Variants in IPCEF1 observed in about 807,000 individuals in gnomAD.
The protein encoded by IPCEF1 is interaction protein for cytohesin exchange factors 1.
A neutral mutation model predicts 50.9 loss-of-function variants in IPCEF1; 31 were observed. The ratio of observed to expected loss-of-function variants is 0.61; its 90% CI spans 0.46 to 0.82. IPCEF1 has a LOEUF of 0.82. Among genes scored for constraint, IPCEF1 ranks in the 40% least tolerant of loss-of-function variants. The pLI, the probability that IPCEF1 is intolerant of heterozygous loss-of-function variation, is 0.00. For synonymous variants in IPCEF1, 181 were observed against 192.0 expected (o/e 0.94, Z 0.47); for missense variants, 458 against 514.0 (o/e 0.89, Z 1.05).
intron 1 of IPCEF1, among the ~76,000 whole-genome samples, chr6:154,297,175 G>T (rs1335842453): frequency 2.6e-5 from 4 of 152,046 alleles, no homozygotes; most frequent in Non-Finnish European, 5.9e-5. Flanking sequence ...GAGTAGCTGG[G>T]ACTGCAGACA....
rs1016950795 is a variant in IPCEF1, at chr6:154,158,819, A to G, written c.*1009T>C. The G allele has an allele frequency of 1.1e-4, 17 of 152,254 alleles. No individual in the cohort carries two copies. Among genetic ancestry groups the G allele is most frequent in the African/African-American group, 4.1e-4 (17 of 41,474 alleles). 9.4% of individuals were successfully genotyped at this position (152,254 alleles called of 1,614,324 possible). A position where few individuals can be genotyped will look rare whatever the true frequency, so the allele number is the denominator to read the frequency against. On this transcript the variant is annotated 3_prime_UTR_variant, in exon 12 of 12. Transcript: ENST00000367220. ...CTATAAATATATTTAAATAACAAAC[A>G]TAGCTATTCACATAGCACACAAGTG...
At chr6:154,180,417 T>A (rs1239573847) in intron 10 of IPCEF1, among the ~76,000 whole-genome samples, 12 of 46,910 alleles carry the variant, frequency 2.6e-4, no homozygotes, top group South Asian at 1.9e-3. Context: ...TATATATATT[T>A]TTTTTTTAAA....
intron 10 of IPCEF1, among the ~76,000 whole-genome samples, chr6:154,182,534 G>C (rs1472742089): frequency 6.6e-6 from 1 of 151,908 alleles, no homozygotes; most frequent in Non-Finnish European, 1.5e-5. Flanking sequence ...CCAGGATTAG[G>C]CAAGATATTT....
At chr6:154,273,716 CTTT>C (rs1781960332) in intron 2 of IPCEF1, among the ~76,000 whole-genome samples, 1 of 28,030 alleles carries the variant, frequency 3.6e-5, no homozygotes, top group Non-Finnish European at 8.5e-5. Flanking sequence ...TTCTTTCTTT[CTTT>C]CTTTCTTTTT....
intron 10 of IPCEF1, among the ~76,000 whole-genome samples, chr6:154,195,815 G>A (rs183066297): frequency 2.1e-5 from 3 of 144,264 alleles, no homozygotes; most frequent in East Asian, 2.0e-4. Flanking sequence ...TTTTTGAAAC[G>A]GAGTCTTGCT....
intron 8 of IPCEF1, chr6:154,213,140 A>G (rs1778103459): frequency 2.7e-6 from 1 of 371,284 alleles, no homozygotes; most frequent in South Asian, 3.6e-5. Context: ...GGTGTGAGTC[A>G]TAATACCAAG....
chr6:154,300,010 G>T (rs921368696), intron 1 of IPCEF1, among the ~76,000 whole-genome samples: 1 of 140,372 alleles, frequency 7.1e-6, no homozygotes, highest in East Asian at 2.0e-4. Context: ...ATGAAACCCC[G>T]AAGTGAATGA....
In IPCEF1 at chr6:154,159,409, A is replaced by G. The variant is rs1486495510; in HGVS notation, c.*419T>C. ...ACTCAAACAGTGATTTGGGCCACAC[A>G]GCTTCCCAGTCAAGTGGAATATGTA... is the stretch of plus-strand genomic sequence containing the variant. On this transcript the variant is annotated 3_prime_UTR_variant, in exon 12 of 12. Coordinates refer to ENST00000367220, the MANE Select transcript of IPCEF1 (RefSeq NM_001130700.2). The G allele has an allele frequency of 1.6e-5, 3 of 184,382 alleles. No homozygotes were observed. The highest frequency in any genetic ancestry group is 1.3e-4 in the Admixed American group (2 of 15,748). The allele number at this position is 184,382 out of a possible 1,614,324, so 11.4% of individuals were successfully genotyped here.
intron 10 of IPCEF1, among the ~76,000 whole-genome samples, chr6:154,169,196 A>G (rs1799675673): frequency 6.6e-6 from 1 of 152,018 alleles, no homozygotes. Flanking sequence ...CCCGTTGTCT[A>G]CTAAAATACA....
intron 10 of IPCEF1, among the ~76,000 whole-genome samples, chr6:154,184,550 T>C (rs1801172009): frequency 6.6e-6 from 1 of 152,060 alleles, no homozygotes; most frequent in African/African-American, 2.4e-5. Flanking sequence ...TGTATATATA[T>C]ATATGCGCAT....
intron 3 of IPCEF1, among the ~76,000 whole-genome samples, chr6:154,262,717 TTTC>T (rs1382675324): frequency 6.6e-6 from 1 of 151,982 alleles, no homozygotes; most frequent in Admixed American, 6.6e-5. Context: ...ATCCTAATCC[TTTC>T]TTTTTTATGT....
At chr6:154,239,155 C>T (rs950002699) in intron 5 of IPCEF1, among the ~76,000 whole-genome samples, 2 of 151,938 alleles carry the variant, frequency 1.3e-5, no homozygotes, top group Non-Finnish European at 2.9e-5. Context: ...TCTCGGTGTT[C>T]CACAGTTAAT....
chr6:154,245,497 A>C (rs1026908890), intron 5 of IPCEF1, among the ~76,000 whole-genome samples: 2 of 152,222 alleles, frequency 1.3e-5, no homozygotes, highest in Non-Finnish European at 2.9e-5. Context: ...ATTAGTGGCC[A>C]GTGAATGTAA....
At position 154,299,121 on chromosome 6, in the gene IPCEF1, A is replaced by G. The variant is rs1202232483; in HGVS notation, c.-61-9365T>C. On this transcript the variant is annotated intron_variant, in intron 1 of 11. Transcript: ENST00000367220. ...TTCACAAATCAGTTGTGAATCATTC[A>G]TGCCTTAAAATCCTGTTGTCAGTGG... Among the ~76,000 whole-genome samples, 2 of 141,274 alleles carry G rather than the reference A, an allele frequency of 1.4e-5. 1 individual carries two copies. Among genetic ancestry groups the G allele is most frequent in the Non-Finnish European group, 3.2e-5 (2 of 62,950 alleles). The allele number at this position is 141,274 out of a possible 152,430, so 92.7% of individuals were successfully genotyped here.
intron 3 of IPCEF1, among the ~76,000 whole-genome samples, chr6:154,258,220 G>A (rs892773329): frequency 6.6e-6 from 1 of 152,096 alleles, no homozygotes; most frequent in African/African-American, 2.4e-5. Context: ...TGTAGCCCCT[G>A]TAATAAGCTA....
chr6:154,349,145 CATCT>C, intron 1 of IPCEF1, among the ~76,000 whole-genome samples: 1 of 151,428 alleles, frequency 6.6e-6, no homozygotes, highest in Middle Eastern at 3.4e-3. Flanking sequence ...GAGTTGGTTT[CATCT>C]TTTTTCCTTT....
At chr6:154,281,352 C>A (rs35050538) in intron 2 of IPCEF1, among the ~76,000 whole-genome samples, 2 of 149,538 alleles carry the variant, frequency 1.3e-5, no homozygotes, top group Non-Finnish European at 3.0e-5. Context: ...GACCTCATCT[C>A]GAAAAAAAAA....
intron 1 of IPCEF1, among the ~76,000 whole-genome samples, chr6:154,314,618 TATTA>T (rs1783166694): frequency 6.6e-6 from 1 of 152,182 alleles, no homozygotes; most frequent in Admixed American, 6.6e-5. Flanking sequence ...CTCAGAACAG[TATTA>T]ATTACTGTTT....
intron 3 of IPCEF1, among the ~76,000 whole-genome samples, chr6:154,258,412 C>T (rs1781513783): frequency 6.6e-6 from 1 of 152,148 alleles, no homozygotes; most frequent in African/African-American, 2.4e-5. Flanking sequence ...TATATGTTCT[C>T]CTGCTGTTCT....
Sources: allele counts gnomAD v4.1 joint callset (sites outside exome capture counted in the v4.1 genomes callset), GRCh38; gene constraint gnomAD v4.1.1; transcripts MANE v1.5; gene names NCBI Gene and HGNC (gene_info 2026-07-23, HGNC 2026-07-21).